NUP54: variants seen among roughly 807,000 people sequenced by gnomAD.
The protein encoded by NUP54 is nucleoporin p54.
In NUP54, 27 loss-of-function variants were observed where a neutral mutation model predicts 66.4. That is an observed-to-expected ratio of 0.41 (90% CI 0.30 to 0.56). NUP54 has a LOEUF of 0.56. Ranked by LOEUF, NUP54 falls within the 20% of genes least tolerant of loss-of-function variation. The pLI, the probability that NUP54 is intolerant of heterozygous loss-of-function variation, is 0.34. For missense variants in NUP54, 486 were observed against 596.3 expected, an observed-to-expected ratio of 0.82 and a Z score of 1.93; for synonymous variants, 206 against 210.7, an observed-to-expected ratio of 0.98 and a Z score of 0.19.
chr4:76,142,890 G>A (rs1207459529), intron 3 of NUP54, among the ~76,000 whole-genome samples: 1 of 152,154 alleles, frequency 6.6e-6, no homozygotes, highest in Non-Finnish European at 1.5e-5. Flanking sequence ...GAGAATGCTA[G>A]ATAACCAACT....
intron 8 of NUP54, among the ~76,000 whole-genome samples, chr4:76,125,463 G>C (rs1730440783): frequency 6.6e-6 from 1 of 150,822 alleles, no homozygotes; most frequent in Non-Finnish European, 1.5e-5. Context: ...GCAAGACCTT[G>C]TCTCTACAAA....
intron 8 of NUP54, among the ~76,000 whole-genome samples, chr4:76,127,261 T>C (rs1730580800): frequency 6.6e-6 from 1 of 151,912 alleles, no homozygotes; most frequent in African/African-American, 2.4e-5. Context: ...TGAAACCCCA[T>C]TTCTACTAAA....
At chr4:76,132,178 T>C (rs1017213811) in intron 6 of NUP54, 1 of 161,538 alleles carries the variant, frequency 6.2e-6, no homozygotes, top group Non-Finnish European at 1.3e-5. Context: ...ATTTTACAGT[T>C]AGAATACATT....
Position 76,136,172 on chromosome 4 carries a change from A to C in NUP54, c.522+14T>G. The C allele has an allele frequency of 6.4e-7, 1 of 1,553,300 alleles. No individual in the cohort carries two copies. ...AAAATCTTCAACTGAAGATAAAAATAGTATTAATAATACCTTAAATCGGCA... is the reference window on the plus strand; with the variant it reads ...AAAATCTTCAACTGAAGATAAAAATCGTATTAATAATACCTTAAATCGGCA... On this transcript the variant is annotated intron_variant, in intron 4 of 11. Transcript: ENST00000264883.
intron 9 of NUP54, among the ~76,000 whole-genome samples, chr4:76,120,901 T>G (rs1201746262): frequency 6.6e-6 from 1 of 152,224 alleles, no homozygotes; most frequent in Non-Finnish European, 1.5e-5. Context: ...TCTCTTTGTA[T>G]AATATGAATA....
chr4:76,131,893 G>A (rs1379154687), intron 6 of NUP54, among the ~76,000 whole-genome samples: 2 of 152,072 alleles, frequency 1.3e-5, no homozygotes, highest in African/African-American at 4.8e-5. Context: ...GAGGTGTTAA[G>A]TAAAGGTGTA....
chr4:76,134,084 T>A, intron 5 of NUP54, 91 bp downstream of exon 5: 1 of 816,070 alleles, frequency 1.2e-6, no homozygotes, highest in East Asian at 2.7e-5. Flanking sequence ...TGAGAGTTAA[T>A]TTGTGCTTTA....
In NUP54 at chr4:76,133,359, T is replaced by G. The variant is rs538502832; in HGVS notation, c.711-640A>C. ...CTCTCTCTGTCCCTCAGGCTGGAGTTCAGTGGCTCAATCTTGGCTCACTGC... is the reference window on the plus strand; with the variant it reads ...CTCTCTCTGTCCCTCAGGCTGGAGTGCAGTGGCTCAATCTTGGCTCACTGC... On this transcript the variant is annotated intron_variant, in intron 5 of 11. Coordinates refer to ENST00000264883, the MANE Select transcript of NUP54 (RefSeq NM_017426.4). 1.2e-4 allele frequency among the ~76,000 whole-genome samples: 18 copies of G among 152,064 alleles called. No individual in the cohort carries two copies. The South Asian group carries it at 3.5e-3, about 30-fold the overall frequency.
At chr4:76,120,442 T>C (rs1486982805) in intron 9 of NUP54, among the ~76,000 whole-genome samples, 1 of 114,644 alleles carries the variant, frequency 8.7e-6, no homozygotes, top group South Asian at 2.9e-4. Context: ...TTTTTTTTTT[T>C]TTCCCCAGAT....
intron 4 of NUP54, among the ~76,000 whole-genome samples, chr4:76,134,814 G>A (rs1035299281): frequency 2.0e-5 from 3 of 151,962 alleles, no homozygotes; most frequent in African/African-American, 7.2e-5. Flanking sequence ...AACCATACAT[G>A]GAATTCTGAT....
Position 76,124,740 on chromosome 4 carries a change from A to G in NUP54, c.1073T>C (p.Ile358Thr), listed in dbSNP as rs776306424. The G allele has an allele frequency of 3.7e-6, 5 of 1,366,282 alleles. No homozygotes were observed. The highest frequency in any genetic ancestry group is 1.2e-5 in the South Asian group (1 of 86,004). 84.6% of individuals were successfully genotyped at this position (1,366,282 alleles called of 1,614,324 possible). A position where few individuals can be genotyped will look rare whatever the true frequency, so the allele number is the denominator to read the frequency against. ...QTRLDIISED[I>T]SELQKNQTTS... is the part of the protein sequence containing the mutation. ...AGTTTGATTCTTTTGTAGCTCACTA[A>G]TATCTTCAGATATGATCTGTTTAAA... The change falls in exon 9 of 12, where the codon ATT (isoleucine) becomes ACT (threonine). Residue 358 changes from isoleucine to threonine, a missense_variant. Transcript: ENST00000264883.
Position 76,136,182 on chromosome 4 carries a change from A to C in NUP54, c.522+4T>G, listed in dbSNP as rs1423243004. On this transcript the variant is annotated splice_donor_region_variant and intron_variant, in intron 4 of 11. Coordinates refer to ENST00000264883, the MANE Select transcript of NUP54 (RefSeq NM_017426.4). Reference sequence around the variant, plus strand: ...ACTGAAGATAAAAATAGTATTAATAATACCTTAAATCGGCAAAAGGGATTT... The same window carrying C: ...ACTGAAGATAAAAATAGTATTAATACTACCTTAAATCGGCAAAAGGGATTT... 6 of 1,597,762 alleles carry C rather than the reference A, an allele frequency of 3.8e-6. No individual in the cohort carries two copies. The highest frequency in any genetic ancestry group is 5.1e-6 in the Non-Finnish European group (6 of 1,165,328).
chr4:76,142,430 T>TA (rs1162375970), intron 3 of NUP54, among the ~76,000 whole-genome samples: 1 of 152,120 alleles, frequency 6.6e-6, no homozygotes, highest in Non-Finnish European at 1.5e-5. Flanking sequence ...TCAAGTTACT[T>TA]AAAAAAATGA....
At chr4:76,145,428 G>T in intron 1 of NUP54, 1 of 272,646 alleles carries the variant, frequency 3.7e-6, no homozygotes, top group Non-Finnish European at 6.6e-6. Flanking sequence ...TATCACATTG[G>T]CAGACTTGTT....
At chr4:76,126,006 G>A (rs1012075351) in intron 8 of NUP54, among the ~76,000 whole-genome samples, 1 of 152,288 alleles carries the variant, frequency 6.6e-6, no homozygotes, top group East Asian at 1.9e-4. Context: ...GTTAAGATGT[G>A]TAAGATGATA....
At chr4:76,116,543 C>G (rs1426822868) in intron 11 of NUP54, among the ~76,000 whole-genome samples, 3 of 152,154 alleles carry the variant, frequency 2.0e-5, no homozygotes, top group Admixed American at 1.3e-4. Flanking sequence ...AACTTTTTCA[C>G]ACAATGTGAA....
intron 9 of NUP54, among the ~76,000 whole-genome samples, chr4:76,118,823 T>C (rs1244862800): frequency 2.0e-5 from 3 of 151,818 alleles, no homozygotes; most frequent in Admixed American, 6.6e-5. Context: ...GCTAACATGA[T>C]GAAACCCCGT....
Position 76,139,049 on chromosome 4 carries a change from A to T in NUP54, c.296-2637T>A, listed in dbSNP as rs551458854. Among the ~76,000 whole-genome samples the T allele has an allele frequency of 4.6e-5, 7 of 152,304 alleles. No homozygotes were observed. The South Asian group carries it at 1.5e-3, about 32-fold the overall frequency. On this transcript the variant is annotated intron_variant, in intron 3 of 11. Coordinates refer to ENST00000264883, the MANE Select transcript of NUP54 (RefSeq NM_017426.4). ...AAAAATTGTCCATTAAAAAGAAAAA[A>T]AATTATCTTGCCTTTACTATACAAA... is the stretch of plus-strand genomic sequence containing the variant.
At position 76,144,441 on chromosome 4, in the gene NUP54, T is replaced by C. The variant is rs762575086; in HGVS notation, c.100A>G (p.Thr34Ala). 1 of 1,607,202 alleles carries C rather than the reference T, an allele frequency of 6.2e-7. No individual in the cohort carries two copies. Among genetic ancestry groups the C allele is most frequent in the Non-Finnish European group, 8.5e-7 (1 of 1,178,212 alleles). Residue 34 changes from threonine (T) to alanine (A), a missense_variant, in exon 2 of 12, where the codon ACT (threonine) becomes GCT (alanine). Transcript: ENST00000264883. The stretch of plus-strand genomic sequence containing the variant: ...GAAAAGCTGAATGCAGAACCTGCAG[T>C]TGTAGATGTTGTCCCAAATCCTCCA... Reference protein sequence around the residue: ...GFGGFGTTSTTAGSAFSFSAP... With the variant: ...GFGGFGTTSTAAGSAFSFSAP...
Sources: allele counts gnomAD v4.1 joint callset (sites outside exome capture counted in the v4.1 genomes callset), GRCh38; gene constraint gnomAD v4.1.1; transcripts MANE v1.5; gene names NCBI Gene and HGNC (gene_info 2026-07-23, HGNC 2026-07-21).